The following GNB5 variants were observed in gnomAD, a reference collection of about 807,000 sequenced individuals.
GNB5 encodes the protein guanine nucleotide-binding protein subunit beta-5.
A neutral mutation model predicts 55.3 loss-of-function variants in GNB5; 37 were observed. The ratio of observed to expected loss-of-function variants is 0.67; its 90% CI spans 0.51 to 0.88. GNB5 has a LOEUF of 0.88. Ranked by LOEUF, GNB5 falls within the 40% of genes least tolerant of loss-of-function variation. The pLI is 0.00. For missense variants in GNB5, 476 were observed against 515.3 expected, an observed-to-expected ratio of 0.92 and a Z score of 0.74; for synonymous variants, 219 against 198.5, an observed-to-expected ratio of 1.10 and a Z score of -0.87.
intron 5 of GNB5, 93 bp from the exon 6 acceptor site, chr15:52,147,628 CCAG>C: frequency 1.6e-6 from 1 of 621,172 alleles, no homozygotes; most frequent in Non-Finnish European, 2.7e-6. Flanking sequence ...ACTCTGTTGC[CCAG>C]GCTGGAGTGC....
intron 3 of GNB5, among the ~76,000 whole-genome samples, chr15:52,155,798 C>G (rs2141216980): frequency 6.6e-6 from 1 of 152,228 alleles, no homozygotes; most frequent in Middle Eastern, 3.4e-3. Context: ...CACATGAGTC[C>G]CACTGCTGGT....
At chr15:52,128,751 T>C (rs1261227593) in intron 9 of GNB5, 1 of 456,752 alleles carries the variant, frequency 2.2e-6, no homozygotes, top group African/African-American at 2.0e-5. Flanking sequence ...CATAAGACAG[T>C]CCATGCAAAG....
chr15:52,150,399 G>A (rs1206141389), intron 4 of GNB5, among the ~76,000 whole-genome samples: 3 of 151,898 alleles, frequency 2.0e-5, no homozygotes, highest in Admixed American at 6.6e-5. Flanking sequence ...TGGTCCCTGC[G>A]GCACCATCCA....
At chr15:52,135,888 CA>C (rs2033693521) in intron 7 of GNB5, 132 bp from the exon 8 acceptor site, 17 of 725,296 alleles carry the variant, frequency 2.3e-5, no homozygotes, top group Admixed American at 2.1e-4. Context: ...CACACACACA[CA>C]CACACCCTAC....
At chr15:52,135,508 C>T in intron 8 of GNB5, 105 bp downstream of exon 8, 1 of 994,764 alleles carries the variant, frequency 1.0e-6, no homozygotes, top group Non-Finnish European at 1.5e-6. Context: ...CCTGCAGCCC[C>T]TTCTAGGGAA....
intron 3 of GNB5, among the ~76,000 whole-genome samples, chr15:52,175,470 A>G (rs900550717): frequency 1.3e-5 from 2 of 152,046 alleles, no homozygotes; most frequent in Admixed American, 1.3e-4. Flanking sequence ...CAGGCACATT[A>G]GCTCACGCCT....
chr15:52,138,064 C>T, intron 7 of GNB5: 1 of 740,968 alleles, frequency 1.3e-6, no homozygotes, highest in South Asian at 1.4e-5. Context: ...CCCTTTGCCC[C>T]CTTTCCCTTT....
intron 6 of GNB5, among the ~76,000 whole-genome samples, chr15:52,143,165 A>AG (rs992433419): frequency 2.1e-5 from 3 of 142,952 alleles, no homozygotes; most frequent in Non-Finnish European, 4.6e-5. Context: ...TAAAAAAAAG[A>AG]GAAAAAAAAA....
At chr15:52,142,883 G>C (rs148257318) in intron 6 of GNB5, among the ~76,000 whole-genome samples, 1 of 150,682 alleles carries the variant, frequency 6.6e-6, no homozygotes, top group East Asian at 1.9e-4. Flanking sequence ...GGCTGGGCAC[G>C]GTGGCTCACA....
intron 7 of GNB5, 185 bp from the exon 8 acceptor site, chr15:52,135,941 C>T (rs1314131983): frequency 1.1e-5 from 6 of 561,706 alleles, no homozygotes; most frequent in Non-Finnish European, 1.5e-5. Flanking sequence ...CTCTCCTATA[C>T]AAAGAAGGAA....
chr15:52,153,613 T>C (rs1463791073), intron 4 of GNB5, among the ~76,000 whole-genome samples: 4 of 152,200 alleles, frequency 2.6e-5, no homozygotes, highest in Non-Finnish European at 5.9e-5. Context: ...AAGAAAGTCA[T>C]TGACAGAATC....
rs201857071 is a variant in GNB5, at chr15:52,147,170, T to TG, written c.494+288_494+289insC. 6,883 of 228,796 alleles carry TG rather than the reference T, an allele frequency of 0.03. 75 individuals carry two copies. The highest frequency in any genetic ancestry group is 0.046 in the Middle Eastern group (26 of 566). The allele number at this position is 228,796 out of a possible 1,614,324, so 14.2% of individuals were successfully genotyped here. ...GAAAGAGAGTTTTATGGTTTTGTTT[T>TG]TTTTTTTTTTTTTTAAAGAGATGGG... On this transcript the variant is annotated intron_variant, in intron 6 of 12. Coordinates refer to ENST00000261837, the MANE Select transcript of GNB5 (RefSeq NM_016194.4).
intron 3 of GNB5, among the ~76,000 whole-genome samples, chr15:52,172,552 G>A (rs1365005495): frequency 1.3e-5 from 2 of 152,054 alleles, no homozygotes; most frequent in Non-Finnish European, 2.9e-5. Flanking sequence ...GGCAGAGGTA[G>A]GTGGATCGCT....
chr15:52,188,999 T>G (rs1355333199), intron 1 of GNB5, among the ~76,000 whole-genome samples: 1 of 152,228 alleles, frequency 6.6e-6, no homozygotes, highest in Non-Finnish European at 1.5e-5. Flanking sequence ...TAGATCAACC[T>G]TGTTTGGTAA....
chr15:52,148,325 G>A (rs2034020043), intron 5 of GNB5, among the ~76,000 whole-genome samples: 1 of 152,196 alleles, frequency 6.6e-6, no homozygotes, highest in Non-Finnish European at 1.5e-5. Flanking sequence ...GGTATGAATG[G>A]GTCAGGGGAG....
intron 3 of GNB5, among the ~76,000 whole-genome samples, chr15:52,167,241 C>G (rs1014627246): frequency 1.5e-4 from 23 of 152,136 alleles, no homozygotes; most frequent in African/African-American, 5.6e-4. Context: ...TGAATTTTAC[C>G]AGAGGTACAA....
intron 3 of GNB5, among the ~76,000 whole-genome samples, chr15:52,155,190 G>C (rs1221924741): frequency 3.9e-5 from 6 of 152,220 alleles, no homozygotes; most frequent in Admixed American, 1.3e-4. Flanking sequence ...CTCCAGGTAG[G>C]TGAGGAGGGA....
At chr15:52,188,378 GATA>G (rs769199106) in intron 1 of GNB5, among the ~76,000 whole-genome samples, 4 of 152,180 alleles carry the variant, frequency 2.6e-5, no homozygotes, top group Non-Finnish European at 5.9e-5. Context: ...TAAGGAAGAA[GATA>G]ATCACCTATA....
rs189181662 is a variant in GNB5 at position 52,122,886 on chromosome 15, G to A, written c.1177-118C>T. 7 of 742,904 alleles carry A rather than the reference G, an allele frequency of 9.4e-6. No individual in the cohort carries two copies. In the African/African-American group the frequency reaches 1.6e-4, roughly 17 times the overall value. 46.0% of individuals were successfully genotyped at this position (742,904 alleles called of 1,614,324 possible). Reference sequence around the variant, plus strand: ...CATGCATGGGCATACATATATGTGTGTGTACACACACACACACACAAACAT... The same window carrying A: ...CATGCATGGGCATACATATATGTGTATGTACACACACACACACACAAACAT... On this transcript the variant is annotated intron_variant, in intron 12 of 12. Transcript: ENST00000261837.
Sources: allele counts gnomAD v4.1 joint callset (sites outside exome capture counted in the v4.1 genomes callset), GRCh38; gene constraint gnomAD v4.1.1; transcripts MANE v1.5; gene names NCBI Gene and HGNC (gene_info 2026-07-23, HGNC 2026-07-21).